The following NR6A1 variants were observed in gnomAD, a reference collection of about 807,000 sequenced individuals.
NR6A1 encodes nuclear receptor subfamily 6 group A member 1.
A neutral mutation model predicts 59.1 loss-of-function variants in NR6A1; 7 were observed. The observed-to-expected ratio is 0.12, with a 90% CI of 0.07 to 0.22. The LOEUF (loss-of-function observed/expected upper bound fraction) is 0.22, where lower values mean the gene tolerates loss of function less well. Among genes scored for constraint, NR6A1 ranks in the 10% least tolerant of loss-of-function variants. The pLI is 1.00. For synonymous variants in NR6A1, 243 were observed against 236.1 expected, an observed-to-expected ratio of 1.03 and a Z score of -0.27; for missense variants, 468 against 611.6, an observed-to-expected ratio of 0.77 and a Z score of 2.48.
intron 8 of NR6A1, among the ~76,000 whole-genome samples, chr9:124,525,875 GTA>G (rs1230641615): frequency 6.6e-6 from 1 of 152,192 alleles, no homozygotes; most frequent in Non-Finnish European, 1.5e-5. Context: ...CCATCAGAAT[GTA>G]TACTTCTTGA....
At chr9:124,607,153 G>A (rs1411385130) in intron 2 of NR6A1, 1 of 152,192 alleles carries the variant, frequency 6.6e-6, no homozygotes, top group African/African-American at 2.4e-5. Context: ...TAGAAAGATA[G>A]AATAAGCTGG....
chr9:124,595,495 T>C (rs1835247435), intron 2 of NR6A1, among the ~76,000 whole-genome samples: 1 of 152,198 alleles, frequency 6.6e-6, no homozygotes, highest in Non-Finnish European at 1.5e-5. Context: ...CACTATAAAA[T>C]TTAAATTAAT....
At chr9:124,755,575 CAT>C (rs1251254146) in intron 1 of NR6A1, among the ~76,000 whole-genome samples, 4 of 152,184 alleles carry the variant, frequency 2.6e-5, no homozygotes, top group African/African-American at 9.7e-5. Flanking sequence ...CCTACTGACA[CAT>C]AAAACCTAAC....
intron 3 of NR6A1, among the ~76,000 whole-genome samples, chr9:124,553,549 C>CTTTTTTGTTTTTTT (rs1833840133): frequency 2.1e-5 from 1 of 47,322 alleles, no homozygotes; most frequent in Non-Finnish European, 4.0e-5. Context: ...TTTAGCTTGA[C>CTTTTTTGTTTTTTT]TTTTTTTTTT....
chr9:124,555,719 G>A (rs1373071561), intron 2 of NR6A1, among the ~76,000 whole-genome samples: 2 of 152,190 alleles, frequency 1.3e-5, no homozygotes, highest in Admixed American at 1.3e-4. Flanking sequence ...GAAACTAGCT[G>A]GGTGAACTAG....
At chr9:124,531,373 T>G (rs1409002303) in intron 7 of NR6A1, among the ~76,000 whole-genome samples, 1 of 152,232 alleles carries the variant, frequency 6.6e-6, no homozygotes, top group African/African-American at 2.4e-5. Context: ...ACCATAAATT[T>G]GATTCAATAT....
intron 2 of NR6A1, among the ~76,000 whole-genome samples, chr9:124,629,878 C>T (rs1470150206): frequency 3.3e-5 from 5 of 152,166 alleles, no homozygotes; most frequent in African/African-American, 1.2e-4. Context: ...TCCAGTGATA[C>T]TGATTTTTTC....
chr9:124,529,264 G>A (rs1833028847), intron 7 of NR6A1, among the ~76,000 whole-genome samples: 1 of 152,140 alleles, frequency 6.6e-6, no homozygotes, highest in Non-Finnish European at 1.5e-5. Context: ...GGCACATTAA[G>A]TATTCTACAT....
intron 2 of NR6A1, among the ~76,000 whole-genome samples, chr9:124,567,731 T>G (rs924871660): frequency 6.7e-6 from 1 of 149,760 alleles, no homozygotes; most frequent in African/African-American, 2.5e-5. Flanking sequence ...GGTAAAGAAA[T>G]AAAATAATTA....
chr9:124,675,521 T>A (rs1430141993), intron 2 of NR6A1, among the ~76,000 whole-genome samples: 1 of 152,182 alleles, frequency 6.6e-6, no homozygotes, highest in Non-Finnish European at 1.5e-5. Flanking sequence ...GATTTCTGTT[T>A]GAAATTTAAA....
At chr9:124,744,756 T>G (rs1213655926) in intron 1 of NR6A1, among the ~76,000 whole-genome samples, 2 of 152,230 alleles carry the variant, frequency 1.3e-5, no homozygotes, top group Non-Finnish European at 2.9e-5. Context: ...GACTAAAGTC[T>G]TACTGATCAA....
At chr9:124,725,110 G>GA (rs1317117469) in intron 2 of NR6A1, among the ~76,000 whole-genome samples, 1 of 152,144 alleles carries the variant, frequency 6.6e-6, no homozygotes, top group Non-Finnish European at 1.5e-5. Flanking sequence ...GACGGCCGAG[G>GA]AAAAAACTCG....
intron 1 of NR6A1, among the ~76,000 whole-genome samples, chr9:124,765,278 C>T (rs1014822046): frequency 5.3e-5 from 8 of 152,174 alleles, no homozygotes; most frequent in African/African-American, 1.7e-4. Flanking sequence ...CTTAAAGAAA[C>T]TCAGAACACT....
chr9:124,701,381 TTTAA>T (rs1838946331), intron 2 of NR6A1, among the ~76,000 whole-genome samples: 1 of 152,242 alleles, frequency 6.6e-6, no homozygotes, highest in South Asian at 2.1e-4. Flanking sequence ...TTTTCATATT[TTTAA>T]TTTTTATTGT....
intron 2 of NR6A1, among the ~76,000 whole-genome samples, chr9:124,633,826 G>A (rs184468925): frequency 6.6e-6 from 1 of 152,338 alleles, no homozygotes; most frequent in Admixed American, 6.5e-5. Context: ...TGAGCAATGA[G>A]ATTAACCTCC....
At chr9:124,625,365 C>T (rs1014391446) in intron 2 of NR6A1, among the ~76,000 whole-genome samples, 1 of 152,144 alleles carries the variant, frequency 6.6e-6, no homozygotes, top group African/African-American at 2.4e-5. Context: ...TCTCGCTTTG[C>T]CACCCAGGCT....
intron 2 of NR6A1, among the ~76,000 whole-genome samples, chr9:124,596,338 TC>T (rs1301260417): frequency 6.6e-6 from 1 of 152,088 alleles, no homozygotes; most frequent in Non-Finnish European, 1.5e-5. Context: ...GAAGTGGGAT[TC>T]CCTGTTTTCT....
chr9:124,724,980 G>A (rs1839668032), intron 2 of NR6A1, among the ~76,000 whole-genome samples: 1 of 152,096 alleles, frequency 6.6e-6, no homozygotes, highest in African/African-American at 2.4e-5. Flanking sequence ...AGCCTAACTG[G>A]CCCCCAAACA....
At chr9:124,644,257 G>A (rs533664725) in intron 2 of NR6A1, among the ~76,000 whole-genome samples, 3 of 138,140 alleles carry the variant, frequency 2.2e-5, no homozygotes, top group Admixed American at 7.6e-5. Flanking sequence ...TGATCCTCTT[G>A]AAGATTAAGT....
Sources: allele counts gnomAD v4.1 joint callset (sites outside exome capture counted in the v4.1 genomes callset), GRCh38; gene constraint gnomAD v4.1.1; transcripts MANE v1.5; gene names NCBI Gene and HGNC (gene_info 2026-07-23, HGNC 2026-07-21).